The following PIGN variants were observed in gnomAD, a reference collection of about 807,000 sequenced individuals.
PIGN encodes GPI ethanolamine phosphate transferase 1.
Under a neutral mutation model 125.4 loss-of-function variants are expected in PIGN, and 117 were observed. The observed-to-expected ratio is 0.93, with a 90% CI of 0.80 to 1.09. The LOEUF (loss-of-function observed/expected upper bound fraction) is 1.09. PIGN is among the 50% of genes least tolerant of loss of function. PIGN has a pLI of 0.00. For missense variants in PIGN, 1,075 were observed against 1,094.9 expected, an observed-to-expected ratio of 0.98 and a Z score of 0.26; for synonymous variants, 392 against 377.8, an observed-to-expected ratio of 1.04 and a Z score of -0.44.
chr18:62,073,342 G>T (rs1298927138), intron 29 of PIGN, among the ~76,000 whole-genome samples: 1 of 152,142 alleles, frequency 6.6e-6, no homozygotes, highest in Non-Finnish European at 1.5e-5. Flanking sequence ...GTAGGAGTCA[G>T]ATGAAAGGAG....
In PIGN at chr18:62,084,610, G is replaced by T. The variant is rs1323419258; in HGVS notation, c.2427-4C>A. ...ATAGACAGAGGCAAGATCAAAGCTA[G>T]GGAATTATAACAAGGAAAAAGAATT... On this transcript the variant is annotated splice_region_variant and splice_polypyrimidine_tract_variant and intron_variant, in intron 26 of 30. Transcript: ENST00000640252. The T allele has an allele frequency of 6.5e-7, 1 of 1,535,264 alleles. No individual in the cohort carries two copies. Among genetic ancestry groups the T allele is most frequent in the South Asian group, 1.2e-5 (1 of 83,702 alleles).
At chr18:62,075,039 T>C in intron 28 of PIGN, 1 of 373,460 alleles carries the variant, frequency 2.7e-6, no homozygotes, top group East Asian at 4.5e-5. Context: ...TGAATATTTA[T>C]TTCAGTAAAA....
chr18:62,165,450 C>A (rs1042139896), intron 1 of PIGN, among the ~76,000 whole-genome samples: 1 of 152,142 alleles, frequency 6.6e-6, no homozygotes, highest in African/African-American at 2.4e-5. Context: ...AAATGACTTC[C>A]AGATTTCTGG....
At chr18:62,068,098 C>CCTTGTTTGTTTG (rs1555675609) in intron 30 of PIGN, among the ~76,000 whole-genome samples, 1 of 151,100 alleles carries the variant, frequency 6.6e-6, no homozygotes. Flanking sequence ...CCTCCCAGGT[C>CCTTGTTTGTTTG]TTTGTTTGTT....
intron 23 of PIGN, among the ~76,000 whole-genome samples, chr18:62,093,856 A>C (rs750966662): frequency 1.3e-5 from 2 of 152,078 alleles, no homozygotes; most frequent in Non-Finnish European, 2.9e-5. Flanking sequence ...TGCAAAACTG[A>C]TTTGACACTG....
chr18:62,131,162 T>C (rs1039871682), intron 14 of PIGN, among the ~76,000 whole-genome samples: 1 of 152,150 alleles, frequency 6.6e-6, no homozygotes, highest in Non-Finnish European at 1.5e-5. Flanking sequence ...ACAAATTTTA[T>C]AAGAGAAACC....
chr18:62,147,117 C>A lies in PIGN; in HGVS notation c.675-16G>T. On this transcript the variant is annotated splice_polypyrimidine_tract_variant and intron_variant, in intron 8 of 30. Transcript: ENST00000640252. Reference sequence around the variant, plus strand: ...CTTGTAGTCTCTATTTGTAAAGAAACAGAGGAACAAATTAAATTAATTTGG... The same window carrying A: ...CTTGTAGTCTCTATTTGTAAAGAAAAAGAGGAACAAATTAAATTAATTTGG... 2 of 1,578,096 alleles carry A rather than the reference C, an allele frequency of 1.3e-6. No homozygotes were observed. Among genetic ancestry groups the A allele is most frequent in the South Asian group, 1.2e-5 (1 of 85,296 alleles).
At chr18:62,058,267 A>C (rs961515307) in intron 30 of PIGN, among the ~76,000 whole-genome samples, 2 of 152,216 alleles carry the variant, frequency 1.3e-5, no homozygotes, top group African/African-American at 4.8e-5. Flanking sequence ...TTAATCTGTA[A>C]CATTTATATA....
At chr18:62,028,454 T>C (rs75904013) in intron 23 of PIGN, among the ~76,000 whole-genome samples, 2,101 of 152,330 alleles carry the variant, frequency 0.014, 84 homozygotes, top group East Asian at 0.11. Context: ...AAAAATATTT[T>C]AGTTGAAAGA....
downstream of PIGN, among the ~76,000 whole-genome samples, chr18:62,037,915 T>C (rs969078217): frequency 1.6e-4 from 25 of 152,314 alleles, no homozygotes; most frequent in African/African-American, 5.8e-4. Context: ...GCTTGGCATA[T>C]GGCAGGCTCT....
In PIGN at chr18:62,022,806, C is replaced by T. The variant is rs572753238; in HGVS notation, c.2143-5065G>A. Among the ~76,000 whole-genome samples the T allele has an allele frequency of 2.6e-5, 4 of 152,174 alleles. No individual in the cohort carries two copies. In the South Asian group the frequency reaches 8.3e-4, roughly 32 times the overall value. ...TTCATTACTTGTTAGTACAGTCATC[C>T]CTTGGTATCTGTGGGGAATTTGTTT... On this transcript the variant is annotated intron_variant, in intron 23 of 24. Coordinates refer to the PIGN transcript ENST00000639600.
intron 30 of PIGN, among the ~76,000 whole-genome samples, chr18:62,062,872 T>C (rs2145458134): frequency 6.7e-6 from 1 of 148,406 alleles, no homozygotes; most frequent in African/African-American, 2.5e-5. Flanking sequence ...TTTTATGCTT[T>C]TGTATTCTGC....
At chr18:62,038,308 G>GTTTTTTTTTTTTTTTTTTT (rs34436733), downstream of PIGN, among the ~76,000 whole-genome samples, 4 of 120,086 alleles carry the variant, frequency 3.3e-5, no homozygotes, top group African/African-American at 3.3e-5. Flanking sequence ...CCCCCTCCGT[G>GTTTTTTTTTTTTTTTTTTT]TTTTTTTTTT....
chr18:62,154,798 G>A, intron 6 of PIGN, 147 bp from the exon 7 acceptor site: 1 of 607,044 alleles, frequency 1.6e-6, no homozygotes, highest in Non-Finnish European at 2.9e-6. Context: ...AAAATGGGAG[G>A]AATAATTAAC....
chr18:62,047,905 A>G (rs558540409), intron 30 of PIGN, among the ~76,000 whole-genome samples: 2 of 152,352 alleles, frequency 1.3e-5, no homozygotes, highest in South Asian at 2.1e-4. Flanking sequence ...TAAAGTGGTC[A>G]TTATAAAAAT....
At chr18:62,175,065 TA>T (rs1358200978) in intron 1 of PIGN, among the ~76,000 whole-genome samples, 2 of 101,780 alleles carry the variant, frequency 2.0e-5, no homozygotes. Context: ...TTATATATAA[TA>T]AATATATATA....
chr18:62,124,360 A>T (rs1599575657), intron 14 of PIGN, among the ~76,000 whole-genome samples: 1 of 152,166 alleles, frequency 6.6e-6, no homozygotes, highest in Admixed American at 6.6e-5. Flanking sequence ...AAAAACATAA[A>T]GGTACTAAAT....
intron 14 of PIGN, 50 bp from the exon 15 acceptor site, chr18:62,114,689 T>C: frequency 1.2e-6 from 1 of 815,920 alleles, no homozygotes; most frequent in South Asian, 2.2e-5. Context: ...ATTCCAAGTA[T>C]ATGTTTCTTT....
intron 14 of PIGN, among the ~76,000 whole-genome samples, chr18:62,125,649 T>C (rs181204944): frequency 1.1e-3 from 173 of 152,202 alleles, no homozygotes; most frequent in African/African-American, 4.1e-3. Flanking sequence ...AACAGCATTT[T>C]GTGTCCATTT....
Sources: allele counts gnomAD v4.1 joint callset (sites outside exome capture counted in the v4.1 genomes callset), GRCh38; gene constraint gnomAD v4.1.1; transcripts MANE v1.5; gene names NCBI Gene and HGNC (gene_info 2026-07-23, HGNC 2026-07-21).